The following VPS37C variants were observed in gnomAD, a reference collection of about 807,000 sequenced individuals.
VPS37C encodes the protein VPS37C subunit of ESCRT-I, also known as vacuolar protein sorting-associated protein 37C.
VPS37C carries 9 observed loss-of-function variants against 16.1 expected under a neutral mutation model. That is an observed-to-expected ratio of 0.56 (90% confidence interval 0.34 to 0.97). The LOEUF (loss-of-function observed/expected upper bound fraction) is 0.97, where lower values mean the gene tolerates loss of function less well. Ranked by LOEUF, VPS37C falls within the 50% of genes least tolerant of loss-of-function variation. The pLI is 0.02. For synonymous variants in VPS37C, 207 were observed against 206.4 expected (o/e 1.00, Z -0.02); for missense variants, 479 against 472.7 (o/e 1.01, Z -0.12).
rs77337534 is a variant in VPS37C, at chr11:61,138,482, G to A, written c.93+255C>T. 380 of 460,240 alleles carry A rather than the reference G, an allele frequency of 8.3e-4. 1 individual carries two copies. The highest frequency in any genetic ancestry group is 6.7e-3 in the African/African-American group (343 of 51,410). 28.5% of individuals were successfully genotyped at this position (460,240 alleles called of 1,614,324 possible). A position where few individuals can be genotyped will look rare whatever the true frequency, so the allele number is the denominator to read the frequency against. The stretch of plus-strand genomic sequence containing the variant: ...GCTGCCTCCAGATTTGGGCTGGAAC[G>A]ACAGTGTGGGGACTCCTGGGGTATC... On this transcript the variant is annotated intron_variant, in intron 2 of 4. Transcript: ENST00000301765.
intron 1 of VPS37C, among the ~76,000 whole-genome samples, chr11:61,147,195 T>C (rs1018877854): frequency 6.6e-6 from 1 of 152,052 alleles, no homozygotes; most frequent in Non-Finnish European, 1.5e-5. Context: ...GGAGAGGTGA[T>C]AAAGACATCC....
At chr11:61,139,185 C>A (rs537778548) in intron 1 of VPS37C, among the ~76,000 whole-genome samples, 4 of 152,198 alleles carry the variant, frequency 2.6e-5, no homozygotes, top group South Asian at 2.1e-4. Flanking sequence ...GGGATGGAGA[C>A]TAAGTTTGGC....
At chr11:61,134,771 C>T (rs1288282994) in intron 2 of VPS37C, among the ~76,000 whole-genome samples, 1 of 152,222 alleles carries the variant, frequency 6.6e-6, no homozygotes, top group African/African-American at 2.4e-5. Context: ...TCCTATGCCA[C>T]ACATGTGTCC....
chr11:61,150,408 C>G (rs1015308023), intron 1 of VPS37C, among the ~76,000 whole-genome samples: 1 of 152,126 alleles, frequency 6.6e-6, no homozygotes, highest in Non-Finnish European at 1.5e-5. Flanking sequence ...GTCTTGCCCC[C>G]CTCCTCCCCT....
Position 61,132,181 on chromosome 11 carries a change from A to G in VPS37C, c.707T>C (p.Phe236Ser), listed in dbSNP as rs772181432. ...APFPVVSQPS[F>S]YSGPLGPTYP... Reference sequence around the variant, plus strand: ...AGTGGGGCCCAGAGGCCCGCTGTAGAAGGAGGGCTGGGACACTACTGGGAA... The same window carrying G: ...AGTGGGGCCCAGAGGCCCGCTGTAGGAGGAGGGCTGGGACACTACTGGGAA... Residue 236 changes from phenylalanine (F) to serine (S), a missense_variant, in exon 5 of 5, where the codon TTC (phenylalanine) becomes TCC (serine). By Grantham distance (155) the Phe-to-Ser change is radical (BLOSUM62 -2). Transcript: ENST00000301765. The G allele has an allele frequency of 2.7e-6, 4 of 1,481,652 alleles. No homozygotes were observed. Among genetic ancestry groups the G allele is most frequent in the Admixed American group, 5.1e-5 (2 of 39,018 alleles). The allele number at this position is 1,481,652 out of a possible 1,614,324, so 91.8% of individuals were successfully genotyped here.
At chr11:61,137,077 G>A (rs1291527132) in intron 2 of VPS37C, among the ~76,000 whole-genome samples, 1 of 152,114 alleles carries the variant, frequency 6.6e-6, no homozygotes, top group African/African-American at 2.4e-5. Context: ...TCCTTAATAA[G>A]TTACGGTGTT....
intron 1 of VPS37C, among the ~76,000 whole-genome samples, chr11:61,155,591 GAAA>G (rs894865351): frequency 6.7e-6 from 1 of 148,532 alleles, no homozygotes; most frequent in Non-Finnish European, 1.5e-5. Flanking sequence ...TTAAAGCACT[GAAA>G]AAAAAAATAG....
chr11:61,160,062 T>C (rs1357834948), intron 1 of VPS37C, among the ~76,000 whole-genome samples: 1 of 152,146 alleles, frequency 6.6e-6, no homozygotes, highest in Admixed American at 6.5e-5. Context: ...CAGAAAGCCC[T>C]AGAACAGTGC....
intron 1 of VPS37C, among the ~76,000 whole-genome samples, chr11:61,158,263 C>T (rs190342115): frequency 3.9e-5 from 6 of 152,218 alleles, no homozygotes; most frequent in Admixed American, 2.6e-4. Context: ...GGGAAATGGA[C>T]GAATCCACAA....
intron 3 of VPS37C, 129 bp downstream of exon 3, chr11:61,133,907 A>C: frequency 8.6e-7 from 1 of 1,157,430 alleles, no homozygotes; most frequent in Non-Finnish European, 1.2e-6. Context: ...ATGGAGTAAC[A>C]ACAGTACCCA....
chr11:61,138,927 G>T, intron 1 of VPS37C, 92 bp from the exon 2 acceptor site: 1 of 1,197,756 alleles, frequency 8.3e-7, no homozygotes, highest in South Asian at 1.2e-5. Context: ...AAACAAACTG[G>T]AGTTTTCCTG....
intron 1 of VPS37C, among the ~76,000 whole-genome samples, 181 bp from the exon 2 acceptor site, chr11:61,139,016 C>T (rs1861429119): frequency 6.6e-6 from 1 of 152,232 alleles, no homozygotes; most frequent in Non-Finnish European, 1.5e-5. Context: ...AGCCCACCCC[C>T]TCCCCAGGGA....
At chr11:61,156,691 A>C (rs1374782861) in intron 1 of VPS37C, among the ~76,000 whole-genome samples, 1 of 152,354 alleles carries the variant, frequency 6.6e-6, no homozygotes, top group South Asian at 2.1e-4. Flanking sequence ...TTTTTAAGAG[A>C]TATACCGTAA....
At chr11:61,146,056 G>A (rs1367469609) in intron 1 of VPS37C, among the ~76,000 whole-genome samples, 1 of 152,254 alleles carries the variant, frequency 6.6e-6, no homozygotes, top group Non-Finnish European at 1.5e-5. Flanking sequence ...AAGCCCAGCA[G>A]ACTGGCTGTC....
intron 1 of VPS37C, among the ~76,000 whole-genome samples, chr11:61,152,298 T>C (rs1041140189): frequency 3.3e-5 from 5 of 152,048 alleles, no homozygotes; most frequent in African/African-American, 1.2e-4. Context: ...AGTGGAATCA[T>C]CCACAGGCAG....
At chr11:61,151,695 G>A (rs904022916) in intron 1 of VPS37C, among the ~76,000 whole-genome samples, 11 of 152,182 alleles carry the variant, frequency 7.2e-5, no homozygotes, top group Non-Finnish European at 1.3e-4. Flanking sequence ...AGCACTTCCC[G>A]TGTCAACGCA....
chr11:61,135,713 C>T (rs541751017), intron 2 of VPS37C, among the ~76,000 whole-genome samples: 5 of 152,254 alleles, frequency 3.3e-5, no homozygotes, highest in Admixed American at 2.0e-4. Flanking sequence ...AACCACCATA[C>T]GTGACTCTCA....
intron 1 of VPS37C, among the ~76,000 whole-genome samples, chr11:61,151,124 G>A (rs965722552): frequency 2.0e-5 from 3 of 152,302 alleles, no homozygotes; most frequent in East Asian, 1.9e-4. Flanking sequence ...CGGCCCACGC[G>A]CCTCACTGTG....
At chr11:61,133,458 G>A (rs1861309729) in intron 3 of VPS37C, 121 bp from the exon 4 acceptor site, 7 of 974,006 alleles carry the variant, frequency 7.2e-6, no homozygotes, top group Admixed American at 4.5e-5. Flanking sequence ...CCACCAAAGG[G>A]TCCTTCTGGG....
Sources: allele counts gnomAD v4.1 joint callset (sites outside exome capture counted in the v4.1 genomes callset), GRCh38; gene constraint gnomAD v4.1.1; transcripts MANE v1.5; gene names NCBI Gene and HGNC (gene_info 2026-07-23, HGNC 2026-07-21).